Variants in VAV3 observed in about 807,000 individuals in gnomAD.
VAV3 encodes guanine nucleotide exchange factor VAV3.
VAV3 carries 94 observed loss-of-function variants against 131.2 expected under a neutral mutation model. The observed-to-expected ratio is 0.72, with a 90% CI of 0.61 to 0.85. VAV3 has a LOEUF of 0.85. VAV3 is among the 40% of genes least tolerant of loss of function. The pLI, the probability that VAV3 is intolerant of heterozygous loss-of-function variation, is 0.00. For synonymous variants in VAV3, 349 were observed against 342.0 expected (o/e 1.02, Z -0.22); for missense variants, 939 against 1,002.7 (o/e 0.94, Z 0.86).
intron 2 of VAV3, among the ~76,000 whole-genome samples, chr1:107,839,566 TA>T (rs1668606978): frequency 6.6e-6 from 1 of 152,034 alleles, no homozygotes; most frequent in South Asian, 2.1e-4. Flanking sequence ...ATGCATATAT[TA>T]AACCAGAAAA....
intron 15 of VAV3, among the ~76,000 whole-genome samples, chr1:107,719,971 A>G (rs992970183): frequency 6.6e-5 from 10 of 152,292 alleles, no homozygotes; most frequent in Non-Finnish European, 1.3e-4. Context: ...AGAAAACCAA[A>G]CACCGCATTT....
intron 1 of VAV3, among the ~76,000 whole-genome samples, chr1:107,926,367 A>G (rs1340416125): frequency 2.0e-5 from 3 of 152,128 alleles, no homozygotes; most frequent in Admixed American, 6.5e-5. Flanking sequence ...CAAAAAGAAT[A>G]ATGGGTAGGG....
intron 11 of VAV3, among the ~76,000 whole-genome samples, chr1:107,756,509 G>T (rs1233450414): frequency 6.6e-6 from 1 of 152,130 alleles, no homozygotes; most frequent in East Asian, 1.9e-4. Context: ...AAGCTAACAC[G>T]AATTGGTACA....
chr1:107,835,571 T>A lies in VAV3; in HGVS notation c.321+39330A>T, dbSNP rs1571018847. Among the ~76,000 whole-genome samples, 3 of 152,272 alleles carry A rather than the reference T, an allele frequency of 2.0e-5. No individual in the cohort carries two copies. In the East Asian group the frequency reaches 5.8e-4, roughly 29 times the overall value. ...GCAGCCTCTGCCCAATGTAGCCTCA[T>A]GGCCTAGAACACTTAACAGCCCAAT... On this transcript the variant is annotated intron_variant, in intron 2 of 26. Coordinates refer to ENST00000370056, the MANE Select transcript of VAV3 (RefSeq NM_006113.5).
intron 24 of VAV3, 140 bp from the exon 25 acceptor site, chr1:107,596,481 G>T: frequency 1.2e-6 from 1 of 829,212 alleles, no homozygotes; most frequent in Non-Finnish European, 1.8e-6. Context: ...TTAAGCAAAT[G>T]ATAATCTCTC....
intron 21 of VAV3, among the ~76,000 whole-genome samples, chr1:107,614,471 C>T (rs1317312427): frequency 2.0e-5 from 3 of 150,112 alleles, no homozygotes; most frequent in African/African-American, 7.5e-5. Flanking sequence ...CTTAACTTGC[C>T]CTATAATTAA....
chr1:107,587,549 T>TTATGTATGTATGTTTG (rs974555254), intron 25 of VAV3, among the ~76,000 whole-genome samples: 2 of 152,140 alleles, frequency 1.3e-5, no homozygotes, highest in African/African-American at 4.8e-5. Flanking sequence ...TTGAGACCAG[T>TTATGTATGTATGTTTG]TATGTATGTA....
chr1:107,688,335 C>T, intron 18 of VAV3, 46 bp downstream of exon 18: 1 of 1,598,290 alleles, frequency 6.3e-7, no homozygotes, highest in African/African-American at 1.3e-5. Flanking sequence ...TAGCAAACAA[C>T]TTGAAATGCA....
chr1:107,874,262 C>T (rs929822021), intron 2 of VAV3, among the ~76,000 whole-genome samples: 2 of 152,124 alleles, frequency 1.3e-5, no homozygotes, highest in African/African-American at 4.8e-5. Context: ...ATTTGTTTCA[C>T]TTATTATACA....
At chr1:107,749,644 G>A (rs773892995) in intron 13 of VAV3, 50 bp from the exon 14 acceptor site, 2 of 1,574,252 alleles carry the variant, frequency 1.3e-6, no homozygotes, top group Non-Finnish European at 1.7e-6. Context: ...AGAAACATGG[G>A]TTATTAATTT....
chr1:107,829,456 A>G (rs1571010355), intron 2 of VAV3, among the ~76,000 whole-genome samples: 1 of 152,250 alleles, frequency 6.6e-6, no homozygotes, highest in South Asian at 2.1e-4. Flanking sequence ...CTAGGAGATT[A>G]AAGTTTATTT....
intron 1 of VAV3, among the ~76,000 whole-genome samples, chr1:107,897,520 C>A (rs899027971): frequency 2.0e-5 from 3 of 151,820 alleles, no homozygotes; most frequent in African/African-American, 7.3e-5. Context: ...GGAAGTGAGG[C>A]AGGAAAGGAG....
rs34775096 is a variant in VAV3, at chr1:107,775,577, CAAAAAAAAAAAA to C, written c.446+1642_446+1653del. On this transcript the variant is annotated intron_variant, in intron 4 of 26. Coordinates refer to ENST00000370056, the MANE Select transcript of VAV3 (RefSeq NM_006113.5). The stretch of plus-strand genomic sequence containing the variant: ...TGGGTGCCAGAGCAAGACTCAGTCA[CAAAAAAAAAAAA>C]AAAAAAAAAAAAAAAGAATAGCATC... Among the ~76,000 whole-genome samples, 506 of 56,532 alleles carry C rather than the reference CAAAAAAAAAAAA, an allele frequency of 9.0e-3. 2 individuals are homozygous for C. The highest frequency in any genetic ancestry group is 0.036 in the African/African-American group (478 of 13,406). 37.1% of individuals were successfully genotyped at this position (56,532 alleles called of 152,430 possible). A position where few individuals can be genotyped will look rare whatever the true frequency, so the allele number is the denominator to read the frequency against.
At chr1:107,815,986 C>T (rs1348918341) in intron 2 of VAV3, among the ~76,000 whole-genome samples, 6 of 152,106 alleles carry the variant, frequency 3.9e-5, no homozygotes, top group Non-Finnish European at 7.3e-5. Context: ...CCCTTGTATG[C>T]GCAGTTGGCA....
chr1:107,927,494 TG>T (rs895561956), intron 1 of VAV3, among the ~76,000 whole-genome samples: 28 of 152,138 alleles, frequency 1.8e-4, no homozygotes, highest in African/African-American at 6.5e-4. Flanking sequence ...AAGTGGGCTC[TG>T]GGGGGTCTCC....
chr1:107,820,742 C>G (rs1337125980), intron 2 of VAV3: 1 of 151,982 alleles, frequency 6.6e-6, no homozygotes, highest in Non-Finnish European at 1.5e-5. Flanking sequence ...AACATATGTA[C>G]CAACTATGTA....
intron 15 of VAV3, among the ~76,000 whole-genome samples, chr1:107,708,989 C>G (rs191437633): frequency 1.3e-5 from 2 of 152,080 alleles, no homozygotes; most frequent in African/African-American, 2.4e-5. Flanking sequence ...TTTTGTTTCT[C>G]TAAAGAATCC....
chr1:107,692,562 A>G (rs1267284250), intron 17 of VAV3, among the ~76,000 whole-genome samples: 4 of 152,218 alleles, frequency 2.6e-5, no homozygotes, highest in Non-Finnish European at 5.9e-5. Context: ...GAAGGCTGAA[A>G]TAAAATTGTA....
At chr1:107,598,355 T>TCAAAA (rs60284097) in intron 24 of VAV3, among the ~76,000 whole-genome samples, 12,646 of 151,720 alleles carry the variant, frequency 0.083, 525 homozygotes, top group East Asian at 0.12. Flanking sequence ...AAACTCTGTC[T>TCAAAA]CAAAACAAAA....
Sources: gnomAD v4.1 joint callset for allele counts (sites outside exome capture counted in the v4.1 genomes callset) on GRCh38, gnomAD v4.1.1 for gene constraint, MANE v1.5 for transcripts, NCBI Gene and HGNC (gene_info 2026-07-23, HGNC 2026-07-21) for gene names.